The following TMEM204 variants were observed in gnomAD, a reference collection of about 807,000 sequenced individuals.
The protein encoded by TMEM204 is transmembrane protein 204.
Under a neutral mutation model 19.4 loss-of-function variants are expected in TMEM204, and 15 were observed. The ratio of observed to expected loss-of-function variants is 0.77; its 90% CI spans 0.52 to 1.19. The LOEUF is 1.19. Among genes scored for constraint, TMEM204 ranks in the 50% most tolerant of loss-of-function variants. TMEM204 has a pLI of 0.00. For synonymous variants in TMEM204, 161 were observed against 146.0 expected, an observed-to-expected ratio of 1.10 and a Z score of -0.74; for missense variants, 287 against 321.2, an observed-to-expected ratio of 0.89 and a Z score of 0.81.
At chr16:1,541,712 C>T (rs1260397696) in intron 1 of TMEM204, among the ~76,000 whole-genome samples, 2 of 152,074 alleles carry the variant, frequency 1.3e-5, no homozygotes. Flanking sequence ...TGGGATGAAC[C>T]CTTCCCATCA....
Position 1,553,724 on chromosome 16 carries a change from G to C in TMEM204, c.437-1058G>C. On this transcript the variant is annotated intron_variant, in intron 2 of 2. Transcript: ENST00000566264. The surrounding 1 kb of genome is among the most constrained non-coding windows in gnomAD (Gnocchi z 4.4). ...CCCATGGCCTCCAGGACAATCTGTGGCCACATCCCCATGGCTGTAGGGGAT... is the reference window on the plus strand; with the variant it reads ...CCCATGGCCTCCAGGACAATCTGTGCCCACATCCCCATGGCTGTAGGGGAT... 1 of 1,124,262 alleles carries C rather than the reference G, an allele frequency of 8.9e-7. No individual in the cohort carries two copies. Among genetic ancestry groups the C allele is most frequent in the Non-Finnish European group, 1.1e-6 (1 of 906,114 alleles). The allele number at this position is 1,124,262 out of a possible 1,614,324, so 69.6% of individuals were successfully genotyped here.
chr16:1,529,447 G>A (rs865941603), upstream of TMEM204, among the ~76,000 whole-genome samples: 1 of 152,232 alleles, frequency 6.6e-6, no homozygotes, highest in Non-Finnish European at 1.5e-5. Flanking sequence ...ACGCTCAGTC[G>A]GCGCTGCGGT....
chr16:1,547,416 C>T (rs1337699689), intron 2 of TMEM204, among the ~76,000 whole-genome samples: 2 of 152,224 alleles, frequency 1.3e-5, no homozygotes, highest in Admixed American at 1.3e-4. Flanking sequence ...AGGGTTGATA[C>T]TCACTGACAT....
chr16:1,536,127 C>T (rs1156372169), intron 1 of TMEM204, among the ~76,000 whole-genome samples: 4 of 152,222 alleles, frequency 2.6e-5, no homozygotes, highest in African/African-American at 4.8e-5. Flanking sequence ...GGCCCTTGGC[C>T]GCAGCTCTGC....
chr16:1,530,755 C>T (rs1449374246), upstream of TMEM204: 1 of 149,374 alleles, frequency 6.7e-6, no homozygotes, highest in African/African-American at 2.6e-5. Flanking sequence ...CAGGCCGGCC[C>T]TGGTTTTGCT....
At chr16:1,535,116 G>T (rs547445772) in intron 1 of TMEM204, among the ~76,000 whole-genome samples, 2 of 152,258 alleles carry the variant, frequency 1.3e-5, no homozygotes, top group Non-Finnish European at 2.9e-5. Context: ...AAATACACGG[G>T]TGAGTTCTGG....
intron 2 of TMEM204, among the ~76,000 whole-genome samples, chr16:1,544,853 T>A (rs1435716670): frequency 6.6e-6 from 1 of 151,866 alleles, no homozygotes; most frequent in Non-Finnish European, 1.5e-5. Context: ...TTTCACCGTG[T>A]TAGCCAGGAT....
At chr16:1,541,203 G>A (rs1233665721) in intron 1 of TMEM204, 2 of 985,326 alleles carry the variant, frequency 2.0e-6, no homozygotes, top group African/African-American at 3.5e-5. Context: ...GGCCTGCTGT[G>A]AGTGGGGAAG....
chr16:1,539,572 G>A (rs1246287947), intron 1 of TMEM204, among the ~76,000 whole-genome samples: 2 of 152,254 alleles, frequency 1.3e-5, no homozygotes, highest in South Asian at 2.1e-4. Context: ...CAGCCCCCGC[G>A]TCTTCTGTTC....
chr16:1,533,986 C>G lies in TMEM204; in HGVS notation c.-290C>G. 1 of 465,128 alleles carries G rather than the reference C, an allele frequency of 2.1e-6. No individual in the cohort carries two copies. Among genetic ancestry groups the G allele is most frequent in the Non-Finnish European group, 3.8e-6 (1 of 264,296 alleles). 28.8% of individuals were successfully genotyped at this position (465,128 alleles called of 1,614,324 possible). On this transcript the variant is annotated 5_prime_UTR_variant, in exon 1 of 3. Transcript: ENST00000566264. The surrounding 1 kb of genome is among the most constrained non-coding windows in gnomAD (Gnocchi z 4.7). ...CGGCCTCCGCTTCCCGGGAAGACGG[C>G]GCACTCCTGGCCCTGGGTTCTTGCT...
Position 1,534,205 on chromosome 16 carries a change from C to A in TMEM204, c.-71C>A. The A allele has an allele frequency of 6.3e-7, 1 of 1,579,120 alleles. No homozygotes were observed. ...CTCTAGCCACCCCTAGCAGCGTCGG[C>A]TCTCCCTGGACGTGCGGCCGCGGAC... On this transcript the variant is annotated 5_prime_UTR_variant, in exon 1 of 3. Transcript: ENST00000566264.
At chr16:1,533,228 T>G (rs1355525679), upstream of TMEM204, 2 of 152,434 alleles carry the variant, frequency 1.3e-5, no homozygotes, top group East Asian at 3.9e-4. This position sits in a 1 kb window ranked among gnomAD's most constrained non-coding sequence, Gnocchi z 4.7. Flanking sequence ...AGCAATCCTG[T>G]GATATCTGCC....
chr16:1,544,805 C>T (rs943193724), intron 2 of TMEM204, among the ~76,000 whole-genome samples: 9 of 150,576 alleles, frequency 6.0e-5, no homozygotes, highest in East Asian at 2.0e-4. Flanking sequence ...CCCGCCACCA[C>T]GCCTGGCTAA....
chr16:1,543,111 G>C (rs551387480), intron 2 of TMEM204, among the ~76,000 whole-genome samples: 1 of 152,220 alleles, frequency 6.6e-6, no homozygotes, highest in Admixed American at 6.5e-5. Flanking sequence ...AGGTCAGCCC[G>C]GTGCCCGCAG....
At chr16:1,539,325 C>A (rs1236121114) in intron 1 of TMEM204, among the ~76,000 whole-genome samples, 1 of 151,830 alleles carries the variant, frequency 6.6e-6, no homozygotes, top group East Asian at 1.9e-4. Context: ...TGGGCCTCAG[C>A]AAGCCACATG....
intron 1 of TMEM204, among the ~76,000 whole-genome samples, chr16:1,539,142 C>A (rs536576487): frequency 6.0e-5 from 9 of 151,222 alleles, no homozygotes; most frequent in Admixed American, 2.6e-4. Flanking sequence ...CGGCCCCACG[C>A]CTCAGGCCTC....
chr16:1,547,549 T>G (rs2032276261), intron 2 of TMEM204, among the ~76,000 whole-genome samples: 1 of 152,150 alleles, frequency 6.6e-6, no homozygotes, highest in African/African-American at 2.4e-5. Context: ...GATTATTTAT[T>G]TATTCGAGAT....
chr16:1,541,612 C>T (rs1195645444), intron 1 of TMEM204: 5 of 504,826 alleles, frequency 9.9e-6, no homozygotes, highest in Admixed American at 6.4e-5. Flanking sequence ...TCAAGTCAGG[C>T]AGAGAGGAAC....
Position 1,553,915 on chromosome 16 carries a change from G to A in TMEM204, c.437-867G>A. 2.7e-5 allele frequency: 34 copies of A among 1,281,966 alleles called. No homozygotes were observed. In the South Asian group the frequency reaches 4.1e-4, roughly 15 times the overall value. 79.4% of individuals were successfully genotyped at this position (1,281,966 alleles called of 1,614,324 possible). ...TTTTCCTGTTGTAAGAACTAAAAAG[G>A]TCTTTGGAGCTCCTCAAAGATAAAA... is the stretch of plus-strand genomic sequence containing the variant. On this transcript the variant is annotated intron_variant, in intron 2 of 2. Transcript: ENST00000566264. The surrounding 1 kb of genome is among the most constrained non-coding windows in gnomAD (Gnocchi z 4.4).
Sources: allele counts gnomAD v4.1 joint callset (sites outside exome capture counted in the v4.1 genomes callset), GRCh38; gene constraint gnomAD v4.1.1; non-coding constraint Gnocchi (gnomAD v3.1); transcripts MANE v1.5; gene names NCBI Gene and HGNC (gene_info 2026-07-23, HGNC 2026-07-21).